Variants in OLFM2 observed in about 807,000 individuals in gnomAD.
The protein encoded by OLFM2 is olfactomedin 2, also known as noelin-2.
In OLFM2, 20 loss-of-function variants were observed where a neutral mutation model predicts 43.9. The observed-to-expected ratio is 0.46, with a 90% CI of 0.32 to 0.66. The LOEUF is 0.66. Among genes scored for constraint, OLFM2 ranks in the 30% least tolerant of loss-of-function variants. The probability of loss-of-function intolerance (pLI) is 0.04; values close to 1 mark genes in which losing one functional copy is unlikely to be tolerated. For synonymous variants in OLFM2, 268 were observed against 278.6 expected (o/e 0.96, Z 0.38); for missense variants, 416 against 643.6 (o/e 0.65, Z 3.83).
intron 1 of OLFM2, among the ~76,000 whole-genome samples, chr19:9,874,475 CTTTTA>C (rs1186799760): frequency 5.3e-5 from 8 of 151,392 alleles, no homozygotes; most frequent in East Asian, 3.9e-4. Context: ...CCACCACCGG[CTTTTA>C]TTTTATTTAT....
intron 1 of OLFM2, among the ~76,000 whole-genome samples, chr19:9,909,323 T>G (rs7255308): frequency 0.63 from 95,025 of 151,542 alleles, 30,064 homozygotes; most frequent in African/African-American, 0.69. Context: ...CGAAATGATG[T>G]CCGTGGCTGG....
Position 9,860,721 on chromosome 19 carries a change from C to T in OLFM2, c.137G>A (p.Cys46Tyr). The T allele has an allele frequency of 6.2e-7, 1 of 1,608,452 alleles. No individual in the cohort carries two copies. The highest frequency in any genetic ancestry group is 8.5e-7 in the Non-Finnish European group (1 of 1,177,602). The change falls in exon 2 of 6, where the codon TGC (cysteine) becomes TAC (tyrosine). Residue 46 changes from cysteine to tyrosine, a missense_variant. By Grantham distance (194) the Cys-to-Tyr change is radical (BLOSUM62 -2). Coordinates refer to ENST00000264833, the MANE Select transcript of OLFM2 (RefSeq NM_058164.4). ...ACTCTGCGCTGGGATCACGGCCGTG[C>T]AGATGCATTTCCCGTCAGGGGCCTG... ...SAQAPDGKCICTAVIPAQSTC... is the reference protein window; with the variant it reads ...SAQAPDGKCIYTAVIPAQSTC...
Position 9,857,799 on chromosome 19 carries a change from A to G in OLFM2, c.276T>C (p.Tyr92=), listed in dbSNP as rs772715825. The change falls in exon 3 of 6, where the codon TAT becomes TAC. Residue 92 remains tyrosine, a synonymous_variant. Transcript: ENST00000264833. This position sits in a 1 kb window ranked among gnomAD's most constrained non-coding sequence, Gnocchi z 5.7. The part of the protein sequence containing the change: ...LELRTYRDLQ[Y]VRGMETLMRS... ...GCATGAGGGTCTCCATGCCGCGTAC[A>G]TACTGGAGGTCGCGATACGTCCGCA... 3.7e-6 allele frequency: 6 copies of G among 1,614,130 alleles called. No individual in the cohort carries two copies. In the East Asian group the frequency reaches 1.1e-4, roughly 30 times the overall value.
Position 9,908,026 on chromosome 19 carries a change from T to A in OLFM2, c.63+28278A>T, listed in dbSNP as rs961637449. On this transcript the variant is annotated intron_variant, in intron 1 of 5. Coordinates refer to ENST00000264833, the MANE Select transcript of OLFM2 (RefSeq NM_058164.4). ...TCTCAAAAAAAAATAAAATAAAATT[T>A]AAAAATTTTAAAAATCTAAAGTCCC... 1.6e-4 allele frequency among the ~76,000 whole-genome samples: 25 copies of A among 151,926 alleles called. 1 individual carries two copies. Among genetic ancestry groups the A allele is most frequent in the African/African-American group, 5.6e-4 (23 of 41,362 alleles).
Position 9,854,459 on chromosome 19 carries a change from G to T in OLFM2, c.1092C>A (p.Gly364=). 2 of 1,614,124 alleles carry T rather than the reference G, an allele frequency of 1.2e-6. No individual in the cohort carries two copies. The highest frequency in any genetic ancestry group is 1.7e-6 in the Non-Finnish European group (2 of 1,180,044). Residue 364 remains glycine, a synonymous_variant, in exon 6 of 6, where the codon GGC becomes GGA. Transcript: ENST00000264833. This position sits in a 1 kb window ranked among gnomAD's most constrained non-coding sequence, Gnocchi z 9.5. The stretch of plus-strand genomic sequence containing the variant: ...CCTCGCCAGCGCTGCGCTTGGGGTA[G>T]CCGGTGTCCCAGGACCGCATGACCT... ...TLEVMRSWDT[G]YPKRSAGEAF... is the part of the protein sequence containing the mutation.
chr19:9,860,294 A>C (rs544615978), intron 2 of OLFM2, among the ~76,000 whole-genome samples: 1 of 152,098 alleles, frequency 6.6e-6, no homozygotes, highest in African/African-American at 2.4e-5. Flanking sequence ...CCTGGGCAAC[A>C]TAGGGAGACC....
At chr19:9,909,791 G>T (rs1158615991) in intron 1 of OLFM2, among the ~76,000 whole-genome samples, 2 of 152,130 alleles carry the variant, frequency 1.3e-5, no homozygotes, top group African/African-American at 4.8e-5. Flanking sequence ...AGGTGAAATG[G>T]ATTTAGACAC....
At chr19:9,859,674 T>C (rs1233895856) in intron 2 of OLFM2, among the ~76,000 whole-genome samples, 2 of 152,100 alleles carry the variant, frequency 1.3e-5, no homozygotes, top group Non-Finnish European at 2.9e-5. Context: ...GGTTAGACCC[T>C]CCCCAAGGGG....
chr19:9,865,180 T>G (rs2046391478), intron 1 of OLFM2, among the ~76,000 whole-genome samples: 1 of 151,396 alleles, frequency 6.6e-6, no homozygotes, highest in Non-Finnish European at 1.5e-5. Context: ...TTTTTTTTTT[T>G]TGGAGATGGA....
chr19:9,903,997 G>A (rs1314693846), intron 1 of OLFM2, among the ~76,000 whole-genome samples: 1 of 152,030 alleles, frequency 6.6e-6, no homozygotes, highest in East Asian at 1.9e-4. Context: ...TCACTATCAT[G>A]GGCACTACAC....
rs1441902069 is a variant in OLFM2, at chr19:9,860,681, A to G, written c.177T>C (p.Asp59=). 2 of 1,598,866 alleles carry G rather than the reference A, an allele frequency of 1.3e-6. No individual in the cohort carries two copies. Among genetic ancestry groups the G allele is most frequent in the Non-Finnish European group, 8.5e-7 (1 of 1,172,466 alleles). ...GTTGCCGCAGCTCCCGACTCCTGCCATCTCGAGAGCAGGTACTCTGCGCTG... is the reference window on the plus strand; with the variant it reads ...GTTGCCGCAGCTCCCGACTCCTGCCGTCTCGAGAGCAGGTACTCTGCGCTG... The part of the protein sequence containing the change: ...VIPAQSTCSR[D]GRSRELRQLM... Residue 59 remains aspartate (D), a synonymous_variant, in exon 2 of 6, where the codon GAT becomes GAC. Transcript: ENST00000264833.
In OLFM2 at chr19:9,924,180, G is replaced by A. The variant is rs575801951; in HGVS notation, c.63+12124C>T. Among the ~76,000 whole-genome samples, 16 of 145,560 alleles carry A rather than the reference G, an allele frequency of 1.1e-4. No individual in the cohort carries two copies. The East Asian group carries it at 2.9e-3, about 27-fold the overall frequency. Reference sequence around the variant, plus strand: ...AATCCCAGCACTTTGGGAGGCCAAGGCAGGCAGATCACGAGGTCAGGAGAT... The same window carrying A: ...AATCCCAGCACTTTGGGAGGCCAAGACAGGCAGATCACGAGGTCAGGAGAT... On this transcript the variant is annotated intron_variant, in intron 1 of 5. Transcript: ENST00000264833.
intron 1 of OLFM2, among the ~76,000 whole-genome samples, chr19:9,871,305 G>A (rs1335700255): frequency 2.0e-5 from 3 of 151,274 alleles, no homozygotes; most frequent in Non-Finnish European, 2.9e-5. Flanking sequence ...GGGTGCTGTG[G>A]CTCACACCTG....
Position 9,857,058 on chromosome 19 carries a change from C to A in OLFM2, c.581-145G>T. 1 of 835,290 alleles carries A rather than the reference C, an allele frequency of 1.2e-6. No individual in the cohort carries two copies. 51.7% of individuals were successfully genotyped at this position (835,290 alleles called of 1,614,324 possible). On this transcript the variant is annotated intron_variant, in intron 4 of 5. Transcript: ENST00000264833. The surrounding 1 kb of genome is among the most constrained non-coding windows in gnomAD (Gnocchi z 5.7). ...AAAAATCTGGTCCCAATATGTTGTT[C>A]AGTTGTGAGTGAGGGGTTAGAGGCC...
intron 2 of OLFM2, among the ~76,000 whole-genome samples, chr19:9,860,412 T>C (rs1293268262): frequency 3.4e-5 from 5 of 148,630 alleles, no homozygotes. Flanking sequence ...AGTTTGAGGC[T>C]GCAGTGAGCT....
chr19:9,896,737 C>T (rs752730749), intron 1 of OLFM2, among the ~76,000 whole-genome samples: 2 of 152,182 alleles, frequency 1.3e-5, no homozygotes, highest in Non-Finnish European at 2.9e-5. Flanking sequence ...GCTACTAGAG[C>T]ACCAAGAATC....
intron 1 of OLFM2, among the ~76,000 whole-genome samples, chr19:9,886,980 C>A (rs1484413459): frequency 6.6e-6 from 1 of 152,036 alleles, no homozygotes; most frequent in Non-Finnish European, 1.5e-5. Flanking sequence ...CCGTGCCTGG[C>A]CTCATATTAT....
chr19:9,928,834 G>A (rs1272850215), intron 1 of OLFM2, among the ~76,000 whole-genome samples: 2 of 151,752 alleles, frequency 1.3e-5, no homozygotes, highest in African/African-American at 4.8e-5. Context: ...AAGAGAATAA[G>A]CTTTTGTATA....
intron 1 of OLFM2, among the ~76,000 whole-genome samples, chr19:9,922,785 C>T (rs1481300499): frequency 1.3e-5 from 2 of 151,392 alleles, no homozygotes; most frequent in Non-Finnish European, 2.9e-5. Context: ...GTGCTGCATG[C>T]CTGTGGTTCT....
Sources: gnomAD v4.1 joint callset for allele counts (sites outside exome capture counted in the v4.1 genomes callset) on GRCh38, gnomAD v4.1.1 for gene constraint, Gnocchi (gnomAD v3.1) non-coding constraint, MANE v1.5 for transcripts, NCBI Gene and HGNC (gene_info 2026-07-23, HGNC 2026-07-21) for gene names.